Variants in SLC24A2 observed in about 807,000 individuals in gnomAD.
The protein encoded by SLC24A2 is solute carrier family 24 member 2, also known as sodium/potassium/calcium exchanger 2.
In SLC24A2, 36 loss-of-function variants were observed where a neutral mutation model predicts 62.0. The ratio of observed to expected loss-of-function variants is 0.58; its 90% CI spans 0.44 to 0.77. The LOEUF is 0.77. Among genes scored for constraint, SLC24A2 ranks in the 30% least tolerant of loss-of-function variants. SLC24A2 has a pLI of 0.00. For synonymous variants in SLC24A2, 358 were observed against 294.0 expected, an observed-to-expected ratio of 1.22 and a Z score of -2.23; for missense variants, 846 against 817.9, an observed-to-expected ratio of 1.03 and a Z score of -0.42.
At chr9:19,577,783 C>T (rs1432208196) in intron 5 of SLC24A2, among the ~76,000 whole-genome samples, 1 of 150,786 alleles carries the variant, frequency 6.6e-6, no homozygotes, top group African/African-American at 2.4e-5. Context: ...GGAACTAACC[C>T]AAATGGCCAT....
chr9:19,615,997 CACACACA>C (rs1817758552), intron 4 of SLC24A2, among the ~76,000 whole-genome samples: 1 of 11,478 alleles, frequency 8.7e-5, no homozygotes, highest in Non-Finnish European at 2.8e-4. Flanking sequence ...CAGGCGTGCA[CACACACA>C]CACACACACA....
chr9:20,125,275 A>T, the SLC24A2 span, among the ~76,000 whole-genome samples: 1 of 152,168 alleles, frequency 6.6e-6, no homozygotes, highest in African/African-American at 2.4e-5. Context: ...TATGACCTGG[A>T]TATATGTATT....
chr9:19,952,421 C>A, the SLC24A2 span, among the ~76,000 whole-genome samples: 121,073 of 151,808 alleles, frequency 0.8, 48,794 homozygotes, highest in Non-Finnish European at 0.86. Flanking sequence ...CACTGTGTAT[C>A]TTAGCTGTAG....
At chr9:20,018,243 G>A in the SLC24A2 span, among the ~76,000 whole-genome samples, 5 of 152,100 alleles carry the variant, frequency 3.3e-5, no homozygotes, top group African/African-American at 9.7e-5. Context: ...CACTGCGCCC[G>A]GCCTACTTTG....
the SLC24A2 span, among the ~76,000 whole-genome samples, chr9:20,268,429 A>G: frequency 6.6e-6 from 1 of 152,090 alleles, no homozygotes; most frequent in African/African-American, 2.4e-5. Flanking sequence ...GGACTAATTT[A>G]CTTATGGATT....
chr9:19,829,304 G>A, the SLC24A2 span, among the ~76,000 whole-genome samples: 104,927 of 151,984 alleles, frequency 0.69, 40,762 homozygotes, highest in Non-Finnish European at 0.87. Context: ...TTGGAGCACC[G>A]GTGTGGTTGA....
chr9:19,980,834 T>C, the SLC24A2 span, among the ~76,000 whole-genome samples: 1 of 152,268 alleles, frequency 6.6e-6, no homozygotes, highest in South Asian at 2.1e-4. Context: ...ATTCCTAGCA[T>C]GTCATAAGTG....
the SLC24A2 span, among the ~76,000 whole-genome samples, chr9:19,955,220 G>C: frequency 6.6e-6 from 1 of 151,938 alleles, no homozygotes; most frequent in African/African-American, 2.4e-5. Flanking sequence ...ATAAGTAATG[G>C]GGTCTTAGAT....
rs1437774554 is a variant in SLC24A2, at chr9:19,632,127, C to G, written c.931-9828G>C. 6.6e-6 allele frequency among the ~76,000 whole-genome samples: 1 copy of G among 152,162 alleles called. No individual in the cohort carries two copies. Among genetic ancestry groups the G allele is most frequent in the African/African-American group, 2.4e-5 (1 of 41,444 alleles). ...TGAGGACAGTTACCTTCTCAATTGT[C>G]CCTGGGGCTGATGCAGTTTAGGGTA... On this transcript the variant is annotated intron_variant, in intron 2 of 10. Coordinates refer to ENST00000341998, the MANE Select transcript of SLC24A2 (RefSeq NM_020344.4). The surrounding 1 kb of genome is among the most constrained non-coding windows in gnomAD (Gnocchi z 4.5).
At chr9:20,239,257 A>C in the SLC24A2 span, among the ~76,000 whole-genome samples, 1 of 152,248 alleles carries the variant, frequency 6.6e-6, no homozygotes, top group Admixed American at 6.5e-5. Context: ...AAATCACAAA[A>C]AAATTTTTAA....
At chr9:19,901,641 C>T in the SLC24A2 span, among the ~76,000 whole-genome samples, 1 of 152,100 alleles carries the variant, frequency 6.6e-6, no homozygotes, top group African/African-American at 2.4e-5. Context: ...GACCCATGTT[C>T]ATTGTGTTGG....
intron 7 of SLC24A2, among the ~76,000 whole-genome samples, chr9:19,551,730 C>G (rs1834856435): frequency 6.6e-6 from 1 of 152,262 alleles, no homozygotes; most frequent in Non-Finnish European, 1.5e-5. Flanking sequence ...AGGCTCAGGT[C>G]AGCTGGCCTT....
intron 5 of SLC24A2, among the ~76,000 whole-genome samples, chr9:19,583,972 A>C (rs1334712037): frequency 6.6e-6 from 1 of 152,136 alleles, no homozygotes. Flanking sequence ...TTCTCTGCAC[A>C]CACCCCTCTT....
chr9:20,201,924 T>G, the SLC24A2 span, among the ~76,000 whole-genome samples: 57 of 152,118 alleles, frequency 3.7e-4, no homozygotes, highest in African/African-American at 1.3e-3. Context: ...AGCAGTTGAC[T>G]GGAAGAGTAA....
At chr9:19,601,817 A>C (rs1177641915) in intron 4 of SLC24A2, among the ~76,000 whole-genome samples, 1 of 152,220 alleles carries the variant, frequency 6.6e-6, no homozygotes. Flanking sequence ...CTTAGTTCTC[A>C]CACTTATGCA....
the SLC24A2 span, among the ~76,000 whole-genome samples, chr9:20,264,578 A>T: frequency 1.3e-5 from 2 of 152,158 alleles, no homozygotes; most frequent in African/African-American, 4.8e-5. Flanking sequence ...TCACTTACTA[A>T]CTATGGAAAT....
chr9:19,649,582 GGA>G (rs1564017273), intron 2 of SLC24A2, among the ~76,000 whole-genome samples: 1 of 152,100 alleles, frequency 6.6e-6, no homozygotes. Context: ...ACTGACATTT[GGA>G]GAGAGTACAA....
chr9:20,093,129 T>G, the SLC24A2 span, among the ~76,000 whole-genome samples: 1 of 151,832 alleles, frequency 6.6e-6, no homozygotes, highest in Non-Finnish European at 1.5e-5. Context: ...TGGAGCGCAG[T>G]AGCGCAATCT....
At chr9:19,554,139 G>T (rs879437598) in intron 7 of SLC24A2, among the ~76,000 whole-genome samples, 6 of 152,152 alleles carry the variant, frequency 3.9e-5, no homozygotes, top group Admixed American at 3.9e-4. Context: ...GACACTAGGG[G>T]TTCCTTTGCA....
Sources: allele counts gnomAD v4.1 joint callset (sites outside exome capture counted in the v4.1 genomes callset), GRCh38; gene constraint gnomAD v4.1.1; non-coding constraint Gnocchi (gnomAD v3.1); transcripts MANE v1.5; gene names NCBI Gene and HGNC (gene_info 2026-07-23, HGNC 2026-07-21).